RHBDF1: variants seen among roughly 807,000 people sequenced by gnomAD.
RHBDF1 encodes inactive rhomboid protein 1.
RHBDF1 carries 80 observed loss-of-function variants against 98.6 expected under a neutral mutation model. That is an observed-to-expected ratio of 0.81 (90% CI 0.68 to 0.98). The LOEUF (loss-of-function observed/expected upper bound fraction) is 0.98. Ranked by LOEUF, RHBDF1 falls within the 50% of genes least tolerant of loss-of-function variation. The pLI, the probability that RHBDF1 is intolerant of heterozygous loss-of-function variation, is 0.00. For missense variants in RHBDF1, 1,116 were observed against 1,198.3 expected (o/e 0.93, Z 1.01); for synonymous variants, 512 against 486.8 (o/e 1.05, Z -0.68).
intron 1 of RHBDF1, among the ~76,000 whole-genome samples, chr16:66,191 C>T (rs964869211): frequency 6.6e-6 from 1 of 152,192 alleles, no homozygotes; most frequent in Admixed American, 6.5e-5. Flanking sequence ...GGACAGAAAA[C>T]CCCAAATTCC....
intron 1 of RHBDF1, among the ~76,000 whole-genome samples, chr16:67,740 C>G (rs1029528888): frequency 1.3e-5 from 2 of 152,244 alleles, no homozygotes; most frequent in Non-Finnish European, 2.9e-5. Context: ...CCACAGTGCT[C>G]AGGACTGGCC....
Position 64,797 on chromosome 16 carries a change from C to T in RHBDF1, c.150G>A (p.Val50=), listed in dbSNP as rs774895575. 6.2e-7 allele frequency: 1 copy of T among 1,614,066 alleles called. No individual in the cohort carries two copies. The highest frequency in any genetic ancestry group is 8.5e-7 in the Non-Finnish European group (1 of 1,180,010). ...PLRRQAFLRS[V]SMPAETAHIS... ...TGTGGGCTGTCTCGGCTGGCATACT[C>T]ACACTCCTCAGGAAAGCCTGTCGCC... The change falls in exon 3 of 18, where the codon GTG becomes GTA. Residue 50 remains valine, a synonymous_variant. Coordinates refer to ENST00000262316, the MANE Select transcript of RHBDF1 (RefSeq NM_022450.5).
chr16:65,971 G>A (rs772892703), intron 1 of RHBDF1, among the ~76,000 whole-genome samples: 6 of 152,250 alleles, frequency 3.9e-5, no homozygotes, highest in Non-Finnish European at 8.8e-5. Context: ...GAAGGCCCCA[G>A]AGCAGATAGG....
chr16:67,029 G>C (rs898825254), intron 1 of RHBDF1, among the ~76,000 whole-genome samples: 1 of 152,152 alleles, frequency 6.6e-6, no homozygotes, highest in Non-Finnish European at 1.5e-5. Flanking sequence ...AGCGTGAAGG[G>C]GTCACAGCTA....
chr16:58,860 T>C (rs888071012), intron 17 of RHBDF1, 101 bp from the exon 18 acceptor site: 30 of 1,553,504 alleles, frequency 1.9e-5, no homozygotes, highest in Admixed American at 1.4e-4. Flanking sequence ...CCAGAGCATA[T>C]TGGGACCGAG....
intron 7 of RHBDF1, 94 bp from the exon 8 acceptor site, chr16:62,146 C>T (rs1596468735): frequency 1.4e-6 from 2 of 1,416,164 alleles, no homozygotes; most frequent in Non-Finnish European, 1.8e-6. Flanking sequence ...TCTATCCTGG[C>T]GAATATACTG....
chr16:70,655 CTG>C (rs564129052), intron 1 of RHBDF1, among the ~76,000 whole-genome samples: 250 of 152,362 alleles, frequency 1.6e-3, no homozygotes, highest in Non-Finnish European at 3.1e-3. Flanking sequence ...GATAAGGAAA[CTG>C]AGGCTCAGAG....
chr16:74,644 T>TCGATACA (rs1006388215), upstream of RHBDF1: 1 of 151,126 alleles, frequency 6.6e-6, no homozygotes, highest in Admixed American at 6.6e-5. Flanking sequence ...CAGAGGGGGG[T>TCGATACA]CGATACACGT....
chr16:71,019 G>T (rs1423703274), intron 1 of RHBDF1, among the ~76,000 whole-genome samples: 1 of 152,248 alleles, frequency 6.6e-6, no homozygotes, highest in Admixed American at 6.5e-5. Context: ...GGCCCTCACA[G>T]CCAAGAGCAA....
chr16:65,943 CG>C (rs1567117677), intron 1 of RHBDF1, among the ~76,000 whole-genome samples: 1 of 152,258 alleles, frequency 6.6e-6, no homozygotes, highest in Non-Finnish European at 1.5e-5. Flanking sequence ...ATGCCAGGCA[CG>C]GGGCCAGGGC....
In RHBDF1 at chr16:63,170, G is replaced by A. The variant is rs1452946989; in HGVS notation, c.475C>T (p.Leu159=). The change falls in exon 5 of 18, where the codon CTG becomes TTG. Residue 159 remains leucine (L), a synonymous_variant. Coordinates refer to ENST00000262316, the MANE Select transcript of RHBDF1 (RefSeq NM_022450.5). ...QLGMQKIIDP[L]ARGRAFRVAD... ...ACACGGAAGGCACGGCCACGGGCCAGGGGGTCTATGATCTGGAGGAGGGGA... is the reference window on the plus strand; with the variant it reads ...ACACGGAAGGCACGGCCACGGGCCAAGGGGTCTATGATCTGGAGGAGGGGA... The A allele has an allele frequency of 3.2e-6, 5 of 1,575,208 alleles. No homozygotes were observed. The highest frequency in any genetic ancestry group is 4.3e-6 in the Non-Finnish European group (5 of 1,161,162).
intron 1 of RHBDF1, among the ~76,000 whole-genome samples, chr16:68,073 C>A (rs890913395): frequency 6.6e-6 from 1 of 152,086 alleles, no homozygotes; most frequent in Non-Finnish European, 1.5e-5. Context: ...CAGCCGGGGA[C>A]CACAGTCGGC....
chr16:61,572 C>T lies in RHBDF1; in HGVS notation c.1320+13G>A. The T allele has an allele frequency of 6.2e-7, 1 of 1,612,842 alleles. No individual in the cohort carries two copies. The highest frequency in any genetic ancestry group is 1.1e-5 in the South Asian group (1 of 91,078). ...TCCACTCGTCTGGGCCCAGGGAAGG[C>T]ACAGGGGCTCACCGAGTCCACCGTC... On this transcript the variant is annotated intron_variant, in intron 9 of 17. Transcript: ENST00000262316.
chr16:64,548 C>A, intron 3 of RHBDF1, 151 bp downstream of exon 3: 1 of 1,547,102 alleles, frequency 6.5e-7, no homozygotes, highest in Non-Finnish European at 8.7e-7. Flanking sequence ...GTATCCAGAA[C>A]AGGAGGAGGG....
intron 3 of RHBDF1, chr16:64,046 T>G (rs1897750971): frequency 1.5e-6 from 1 of 670,614 alleles, no homozygotes; most frequent in Admixed American, 2.3e-5. Context: ...ATAGAGGCCC[T>G]CACCCCACCA....
chr16:60,517 T>C lies in RHBDF1; in HGVS notation c.1580A>G (p.Lys527Arg). 5 of 1,609,874 alleles carry C rather than the reference T, an allele frequency of 3.1e-6. No homozygotes were observed. The highest frequency in any genetic ancestry group is 4.2e-6 in the Non-Finnish European group (5 of 1,179,932). ...ECSSTLAVWV[K>R]WPIHPSAPEL... is the part of the protein sequence containing the mutation. ...TGGGGCGCTGGGATGGATGGGCCAC[T>C]TCACCCACACTGCCAGCGTGGACTG... Residue 527 changes from lysine (K) to arginine (R), a missense_variant, in exon 12 of 18, where the codon AAG becomes AGG. Physicochemically the swap from Lys to Arg is conservative, Grantham distance 26. Transcript: ENST00000262316.
At chr16:64,096 A>C (rs1897753078) in intron 3 of RHBDF1, 1 of 626,254 alleles carries the variant, frequency 1.6e-6, no homozygotes, top group African/African-American at 1.8e-5. Flanking sequence ...GAGTCCAGAG[A>C]AGGAGCTGAG....
At chr16:64,553 G>A (rs576237645) in intron 3 of RHBDF1, 146 bp downstream of exon 3, 38 of 1,544,932 alleles carry the variant, frequency 2.5e-5, no homozygotes, top group Admixed American at 1.3e-4. Context: ...CAGAACAGGA[G>A]GAGGGCAAGG....
At chr16:70,236 A>G (rs998587678) in intron 1 of RHBDF1, among the ~76,000 whole-genome samples, 1 of 152,204 alleles carries the variant, frequency 6.6e-6, no homozygotes, top group African/African-American at 2.4e-5. Flanking sequence ...ACTGCCTGGT[A>G]TGCTGGTCAC....
Sources: gnomAD v4.1 joint callset for allele counts (sites outside exome capture counted in the v4.1 genomes callset) on GRCh38, gnomAD v4.1.1 for gene constraint, MANE v1.5 for transcripts, NCBI Gene and HGNC (gene_info 2026-07-23, HGNC 2026-07-21) for gene names.